Variants in CNTNAP5 observed in about 807,000 individuals in gnomAD.
CNTNAP5 encodes the protein contactin associated protein family member 5, also known as contactin-associated protein-like 5.
A neutral mutation model predicts 150.2 loss-of-function variants in CNTNAP5; 72 were observed. The observed-to-expected ratio is 0.48, with a 90% CI of 0.40 to 0.58. The LOEUF is 0.58. Ranked by LOEUF, CNTNAP5 falls within the 20% of genes least tolerant of loss-of-function variation. CNTNAP5 has a pLI of 0.00. For synonymous variants in CNTNAP5, 672 were observed against 619.8 expected, an observed-to-expected ratio of 1.08 and a Z score of -1.25; for missense variants, 1,636 against 1,626.2, an observed-to-expected ratio of 1.01 and a Z score of -0.10.
chr2:124,188,683 C>T (rs1408056436), intron 1 of CNTNAP5, among the ~76,000 whole-genome samples: 6 of 129,526 alleles, frequency 4.6e-5, no homozygotes, highest in Non-Finnish European at 6.2e-5. Context: ...CACGCCACTG[C>T]ACTCCAGCCT....
intron 2 of CNTNAP5, among the ~76,000 whole-genome samples, chr2:124,237,671 T>C (rs1686783292): frequency 6.6e-6 from 1 of 152,106 alleles, no homozygotes; most frequent in Non-Finnish European, 1.5e-5. Context: ...ACCCTGTTTC[T>C]ACTAAAAATA....
At chr2:124,342,226 A>C (rs1689636281) in intron 3 of CNTNAP5, among the ~76,000 whole-genome samples, 1 of 152,192 alleles carries the variant, frequency 6.6e-6, no homozygotes, top group African/African-American at 2.4e-5. Flanking sequence ...TGTGTTGCTG[A>C]AACTTTGTAT....
At chr2:124,271,648 G>GTT (rs5834055) in intron 3 of CNTNAP5, among the ~76,000 whole-genome samples, 1 of 147,080 alleles carries the variant, frequency 6.8e-6, no homozygotes. Context: ...CCTTCATTTA[G>GTT]TTTTTTTTTA....
Position 124,759,180 on chromosome 2 carries a change from T to C in CNTNAP5, c.2235-4492T>C, listed in dbSNP as rs199925723. Among the ~76,000 whole-genome samples the C allele has an allele frequency of 6.6e-5, 10 of 151,954 alleles. No homozygotes were observed. The East Asian group carries it at 1.9e-3, about 29-fold the overall frequency. On this transcript the variant is annotated intron_variant, in intron 14 of 23. Transcript: ENST00000682447. The stretch of plus-strand genomic sequence containing the variant: ...TTGGAGAAGACAAACAGTTGGTGTG[T>C]TCCAGAGAGAGATATATATTTTGGA...
intron 17 of CNTNAP5, among the ~76,000 whole-genome samples, chr2:124,781,461 T>C (rs947186045): frequency 6.6e-6 from 1 of 152,172 alleles, no homozygotes. Context: ...GTTAGTACAA[T>C]GTCTAGGGAA....
intron 1 of CNTNAP5, among the ~76,000 whole-genome samples, chr2:124,061,951 C>T (rs1219280103): frequency 6.6e-6 from 1 of 152,106 alleles, no homozygotes; most frequent in East Asian, 1.9e-4. Flanking sequence ...CTGATTTTAC[C>T]TCCGCAATGC....
At chr2:124,914,004 G>A (rs530270901) in intron 23 of CNTNAP5, 88 bp from the exon 24 acceptor site, 39 of 890,278 alleles carry the variant, frequency 4.4e-5, no homozygotes, top group South Asian at 3.2e-4. Flanking sequence ...TCTCTCCTAC[G>A]CATTCCCCTC....
intron 21 of CNTNAP5, among the ~76,000 whole-genome samples, chr2:124,872,126 A>C (rs1478167151): frequency 6.6e-6 from 1 of 151,996 alleles, no homozygotes; most frequent in Non-Finnish European, 1.5e-5. Context: ...TCAATGAATC[A>C]TTTCTTATTG....
intron 18 of CNTNAP5, among the ~76,000 whole-genome samples, chr2:124,793,962 A>C (rs1005380887): frequency 6.6e-6 from 1 of 152,216 alleles, no homozygotes; most frequent in African/African-American, 2.4e-5. Context: ...ACTCAAAAAT[A>C]ATCATTAATA....
intron 12 of CNTNAP5, among the ~76,000 whole-genome samples, chr2:124,627,644 G>A (rs768321583): frequency 6.6e-6 from 1 of 151,934 alleles, no homozygotes; most frequent in African/African-American, 2.4e-5. Flanking sequence ...AATCCCAAAA[G>A]TCAAAATGCC....
rs142943197 is a variant in CNTNAP5 at position 124,349,720 on chromosome 2, G to A, written c.382-67723G>A. On this transcript the variant is annotated intron_variant, in intron 3 of 23. Coordinates refer to ENST00000682447, the MANE Select transcript of CNTNAP5 (RefSeq NM_001367498.1). ...GGTCCCACTTATTAAAACACTGTAA[G>A]ATATTTTTACTCTGAAATAGTCTTT... Among the ~76,000 whole-genome samples the A allele has an allele frequency of 3.7e-3, 567 of 152,104 alleles. 3 individuals carry two copies. Among genetic ancestry groups the A allele is most frequent in the Admixed American group, 9.7e-3 (148 of 15,268 alleles).
intron 3 of CNTNAP5, among the ~76,000 whole-genome samples, chr2:124,324,828 A>G (rs184530661): frequency 6.6e-6 from 1 of 152,330 alleles, no homozygotes; most frequent in African/African-American, 2.4e-5. Flanking sequence ...GGGGCATTTT[A>G]TAAGACAAGC....
At chr2:124,238,933 G>A (rs1035876990) in intron 2 of CNTNAP5, among the ~76,000 whole-genome samples, 1 of 152,122 alleles carries the variant, frequency 6.6e-6, no homozygotes, top group African/African-American at 2.4e-5. Context: ...TGTAATGCGG[G>A]GAGCATCTTC....
intron 3 of CNTNAP5, among the ~76,000 whole-genome samples, chr2:124,284,731 T>C (rs995279638): frequency 6.6e-6 from 1 of 152,118 alleles, no homozygotes; most frequent in Non-Finnish European, 1.5e-5. Flanking sequence ...CATTCAGTGA[T>C]GTACTGGAAA....
At chr2:124,891,396 G>A (rs1678191920) in intron 21 of CNTNAP5, among the ~76,000 whole-genome samples, 1 of 152,112 alleles carries the variant, frequency 6.6e-6, no homozygotes, top group Non-Finnish European at 1.5e-5. Flanking sequence ...AGTGGAGAAA[G>A]CAGTCACAAA....
chr2:124,889,086 T>TC (rs1678140335), intron 21 of CNTNAP5, among the ~76,000 whole-genome samples: 1 of 141,470 alleles, frequency 7.1e-6, no homozygotes, highest in Admixed American at 7.0e-5. Flanking sequence ...AGCTTTTTTT[T>TC]TTTTTTTTTT....
chr2:124,419,147 A>AAAAAAAAAAAAAAAAC (rs1692011875), intron 4 of CNTNAP5, among the ~76,000 whole-genome samples: 1 of 135,754 alleles, frequency 7.4e-6, no homozygotes, highest in Non-Finnish European at 1.5e-5. Flanking sequence ...TCTCAAAAAA[A>AAAAAAAAAAAAAAAAC]AAAAAAAAAA....
intron 13 of CNTNAP5, among the ~76,000 whole-genome samples, chr2:124,740,469 CA>C (rs1215556440): frequency 1.3e-5 from 2 of 152,136 alleles, no homozygotes; most frequent in Non-Finnish European, 2.9e-5. Context: ...CACTGCCAAT[CA>C]TTGGGGCTGG....
At chr2:124,300,840 G>A (rs1392270590) in intron 3 of CNTNAP5, among the ~76,000 whole-genome samples, 1 of 152,168 alleles carries the variant, frequency 6.6e-6, no homozygotes, top group African/African-American at 2.4e-5. Context: ...GAGGGCCAAA[G>A]GGCATGACTC....
Sources: gnomAD v4.1 joint callset for allele counts (sites outside exome capture counted in the v4.1 genomes callset) on GRCh38, gnomAD v4.1.1 for gene constraint, MANE v1.5 for transcripts, NCBI Gene and HGNC (gene_info 2026-07-23, HGNC 2026-07-21) for gene names.